OLFM4: variants seen among roughly 807,000 people sequenced by gnomAD.
OLFM4 encodes the protein olfactomedin-4.
Under a neutral mutation model 25.5 loss-of-function variants are expected in OLFM4, and 22 were observed. The ratio of observed to expected loss-of-function variants is 0.86; its 90% CI spans 0.62 to 1.23. The LOEUF (loss-of-function observed/expected upper bound fraction) is 1.23. Among genes scored for constraint, OLFM4 ranks in the 50% most tolerant of loss-of-function variants. The pLI, the probability that OLFM4 is intolerant of heterozygous loss-of-function variation, is 0.00. For missense variants in OLFM4, 594 were observed against 619.4 expected, an observed-to-expected ratio of 0.96 and a Z score of 0.44; for synonymous variants, 255 against 237.7, an observed-to-expected ratio of 1.07 and a Z score of -0.67.
intron 4 of OLFM4, among the ~76,000 whole-genome samples, chr13:53,049,092 A>C (rs1954730588): frequency 6.6e-6 from 1 of 152,088 alleles, no homozygotes; most frequent in South Asian, 2.1e-4. Flanking sequence ...ATCTTGTCCC[A>C]CTTGATTGTA....
intron 1 of OLFM4, among the ~76,000 whole-genome samples, chr13:53,032,865 A>T (rs929080455): frequency 6.6e-6 from 1 of 152,112 alleles, no homozygotes; most frequent in Non-Finnish European, 1.5e-5. Context: ...GGCATTATGG[A>T]GGTTGGTGGC....
At chr13:53,045,889 GT>G in intron 4 of OLFM4, among the ~76,000 whole-genome samples, 1 of 152,128 alleles carries the variant, frequency 6.6e-6, no homozygotes, top group East Asian at 1.9e-4. Context: ...GTCTGTCTCT[GT>G]TTTGCCTGTG....
chr13:53,034,610 T>C, intron 2 of OLFM4, 110 bp downstream of exon 2: 1 of 974,468 alleles, frequency 1.0e-6, no homozygotes, highest in South Asian at 1.7e-5. Context: ...ACATCACGTT[T>C]TTATTCTATG....
chr13:53,046,913 A>G (rs1368680963), intron 4 of OLFM4, among the ~76,000 whole-genome samples: 2 of 152,344 alleles, frequency 1.3e-5, no homozygotes, highest in East Asian at 1.9e-4. Context: ...AGTATTTTCC[A>G]TACTAGGCTG....
chr13:53,044,538 T>C (rs917361079), intron 4 of OLFM4, among the ~76,000 whole-genome samples: 2 of 152,190 alleles, frequency 1.3e-5, no homozygotes, highest in Admixed American at 6.5e-5. Context: ...CTCTTGGTCT[T>C]CTTCAGGTGG....
intron 2 of OLFM4, among the ~76,000 whole-genome samples, chr13:53,035,534 G>A (rs566108730): frequency 6.6e-6 from 1 of 152,134 alleles, no homozygotes. Context: ...CTGTTGTGCT[G>A]TTGAATACTA....
intron 1 of OLFM4, 74 bp downstream of exon 1, chr13:53,029,114 T>C: frequency 1.3e-6 from 2 of 1,590,104 alleles, no homozygotes. Context: ...GAATACAATT[T>C]CATGGATGGC....
rs1340134309 is a variant in OLFM4, at chr13:53,028,911, G to A, written c.75G>A (p.Val25=). ...AAGCTGCAGGGGATTTGGGGGATGT[G>A]GGACCTCCAATTCCCAGCCCCGGCT... is the stretch of plus-strand genomic sequence containing the variant. ...LGQAAGDLGD[V]GPPIPSPGFS... Residue 25 remains valine (V), a synonymous_variant, in exon 1 of 5, where the codon GTG becomes GTA. Transcript: ENST00000219022. 2.5e-6 allele frequency: 4 copies of A among 1,614,210 alleles called. No individual in the cohort carries two copies. The highest frequency in any genetic ancestry group is 3.3e-5 in the Admixed American group (2 of 60,026).
chr13:53,047,954 A>G (rs1309797999), intron 4 of OLFM4, among the ~76,000 whole-genome samples: 1 of 152,202 alleles, frequency 6.6e-6, no homozygotes, highest in African/African-American at 2.4e-5. Context: ...CAATGAAGCA[A>G]ACAATTATTG....
chr13:53,034,056 CAAAAAAA>C (rs397851637), intron 1 of OLFM4, among the ~76,000 whole-genome samples: 8 of 41,040 alleles, frequency 1.9e-4, no homozygotes, highest in Admixed American at 4.9e-4. Context: ...GACTCCGTCT[CAAAAAAA>C]AAAAAAAAAA....
At chr13:53,030,077 T>C (rs1233100798) in intron 1 of OLFM4, among the ~76,000 whole-genome samples, 3 of 152,150 alleles carry the variant, frequency 2.0e-5, no homozygotes, top group South Asian at 2.1e-4. Flanking sequence ...GTCAGGTAGC[T>C]GCTTACATTA....
intron 2 of OLFM4, among the ~76,000 whole-genome samples, chr13:53,036,006 T>C (rs1032915968): frequency 3.9e-5 from 6 of 152,236 alleles, no homozygotes; most frequent in Non-Finnish European, 7.3e-5. Context: ...CTGGCTTTAC[T>C]GCAAGATTCA....
chr13:53,051,687 T>C lies in OLFM4; in HGVS notation c.*916T>C, dbSNP rs1171422708. The C allele has an allele frequency of 6.6e-6, 1 of 152,224 alleles. No individual in the cohort carries two copies. Among genetic ancestry groups the C allele is most frequent in the Admixed American group, 6.5e-5 (1 of 15,280 alleles). 9.4% of individuals were successfully genotyped at this position (152,224 alleles called of 1,614,324 possible). A position where few individuals can be genotyped will look rare whatever the true frequency, so the allele number is the denominator to read the frequency against. On this transcript the variant is annotated 3_prime_UTR_variant, in exon 5 of 5. Transcript: ENST00000219022. ...ACTCTAAGACTATAAGAAAATCTGA[T>C]GGCAGTGACAAAGTGCTAGCATTTA...
chr13:53,049,724 C>T (rs1206025926), intron 4 of OLFM4, among the ~76,000 whole-genome samples: 1 of 152,198 alleles, frequency 6.6e-6, no homozygotes, highest in East Asian at 1.9e-4. Context: ...TTCCTATTTT[C>T]CAGATTGAAA....
At chr13:53,043,068 C>A in intron 3 of OLFM4, 37 bp from the exon 4 acceptor site, 1 of 1,512,634 alleles carries the variant, frequency 6.6e-7, no homozygotes, top group Non-Finnish European at 8.9e-7. Flanking sequence ...GAAATTGCAC[C>A]ATAATATAAA....
At chr13:53,038,569 T>C (rs1954671535) in intron 2 of OLFM4, among the ~76,000 whole-genome samples, 1 of 152,152 alleles carries the variant, frequency 6.6e-6, no homozygotes, top group African/African-American at 2.4e-5. Flanking sequence ...AGTAAAAATA[T>C]GATATTTATA....
intron 2 of OLFM4, among the ~76,000 whole-genome samples, chr13:53,037,355 C>A (rs960641431): frequency 6.6e-6 from 1 of 152,154 alleles, no homozygotes; most frequent in Non-Finnish European, 1.5e-5. Context: ...TTTAATATGA[C>A]ACATTTGCTA....
intron 4 of OLFM4, among the ~76,000 whole-genome samples, chr13:53,047,900 G>A (rs1954723617): frequency 6.6e-6 from 1 of 152,022 alleles, no homozygotes; most frequent in Admixed American, 6.6e-5. Flanking sequence ...TAAATATTTT[G>A]TTGCTGTCGG....
At chr13:53,040,227 A>G (rs1954680217) in intron 2 of OLFM4, among the ~76,000 whole-genome samples, 2 of 152,232 alleles carry the variant, frequency 1.3e-5, no homozygotes, top group South Asian at 2.1e-4. Flanking sequence ...TATTCCAATT[A>G]TACACTAAAC....
Sources: gnomAD v4.1 joint callset for allele counts (sites outside exome capture counted in the v4.1 genomes callset) on GRCh38, gnomAD v4.1.1 for gene constraint, MANE v1.5 for transcripts, NCBI Gene and HGNC (gene_info 2026-07-23, HGNC 2026-07-21) for gene names.